The following COL6A3 variants were observed in gnomAD, a reference collection of about 807,000 sequenced individuals.
The protein encoded by COL6A3 is collagen alpha-3(VI) chain.
In COL6A3, 137 loss-of-function variants were observed where a neutral mutation model predicts 274.1. The observed-to-expected ratio is 0.50, with a 90% CI of 0.44 to 0.58. The LOEUF is 0.58. Among genes scored for constraint, COL6A3 ranks in the 20% least tolerant of loss-of-function variants. The pLI, the probability that COL6A3 is intolerant of heterozygous loss-of-function variation, is 0.00. For missense variants in COL6A3, 3,950 were observed against 4,124.9 expected (o/e 0.96, Z 1.16); for synonymous variants, 1,650 against 1,650.6 (o/e 1.00, Z 0.01).
rs2078902143 is a variant in COL6A3, at chr2:237,413,313, CAA to C, written c.-31+638_-31+639del. Among the ~76,000 whole-genome samples, 1 of 152,218 alleles carries C rather than the reference CAA, an allele frequency of 6.6e-6. No homozygotes were observed. Among genetic ancestry groups the C allele is most frequent in the Admixed American group, 6.5e-5 (1 of 15,288 alleles). On this transcript the variant is annotated intron_variant, in intron 1 of 43. Coordinates refer to ENST00000295550, the MANE Select transcript of COL6A3 (RefSeq NM_004369.4). The surrounding 1 kb of genome is among the most constrained non-coding windows in gnomAD (Gnocchi z 4.0). ...AACTCCTTTAAGCAACCCCAAGGGA[CAA>C]AGTCTCCAATAGAGACTTCAGGTTC...
chr2:237,380,204 C>T (rs576882928), intron 5 of COL6A3, among the ~76,000 whole-genome samples: 3 of 152,300 alleles, frequency 2.0e-5, no homozygotes, highest in South Asian at 4.2e-4. Context: ...GTCATGCCTG[C>T]ATCAGGCAAT....
intron 11 of COL6A3, among the ~76,000 whole-genome samples, 169 bp downstream of exon 11, chr2:237,366,518 C>CAATGT (rs2077556459): frequency 6.6e-6 from 1 of 152,000 alleles, no homozygotes; most frequent in East Asian, 1.9e-4. Flanking sequence ...GGAAGAACGC[C>CAATGT]CTAGGTAGTG....
Position 237,344,934 on chromosome 2 carries a change from A to G in COL6A3, c.7174+7T>C, listed in dbSNP as rs2106325330. 2 of 1,614,144 alleles carry G rather than the reference A, an allele frequency of 1.2e-6. No individual in the cohort carries two copies. Among genetic ancestry groups the G allele is most frequent in the Non-Finnish European group, 8.5e-7 (1 of 1,180,044 alleles). ...TCCTTAGGAGAAAGTCACCAAAATC[A>G]ACTTACCGTAACAGCAAGCTAGAAA... is the stretch of plus-strand genomic sequence containing the variant. On this transcript the variant is annotated splice_region_variant and intron_variant, in intron 35 of 43. Transcript: ENST00000295550. This position sits in a 1 kb window ranked among gnomAD's most constrained non-coding sequence, Gnocchi z 4.8.
rs113360085 is a variant in COL6A3, at chr2:237,374,646, G to A, written c.3445C>T (p.Arg1149Trp). The A allele has an allele frequency of 3.5e-4, 572 of 1,614,102 alleles. No homozygotes were observed. The highest frequency in any genetic ancestry group is 4.4e-4 in the Non-Finnish European group (516 of 1,180,008). Reference sequence around the variant, plus strand: ...CTCTTCACGACCACGGAGGGGTTCCGCACATCATCCCCAGACCTGTCGGCC... The same window carrying A: ...CTCTTCACGACCACGGAGGGGTTCCACACATCATCCCCAGACCTGTCGGCC... Reference protein sequence around the residue: ...LTADRSGDDVRNPSVVVKRGG... With the variant: ...LTADRSGDDVWNPSVVVKRGG... The change falls in exon 8 of 44, where the codon CGG becomes TGG. Residue 1149 changes from arginine to tryptophan, a missense_variant. This residue lies in a region of COL6A3 where 1,934 missense variants were observed against 1,984.3 expected (regional missense o/e 0.97). Coordinates refer to ENST00000295550, the MANE Select transcript of COL6A3 (RefSeq NM_004369.4). The surrounding 1 kb of genome is among the most constrained non-coding windows in gnomAD (Gnocchi z 4.8).
chr2:237,362,718 G>C (rs1338606611), intron 14 of COL6A3, among the ~76,000 whole-genome samples: 1 of 152,202 alleles, frequency 6.6e-6, no homozygotes, highest in Non-Finnish European at 1.5e-5. Flanking sequence ...TCCATCCCCA[G>C]TCTAAACCCA....
chr2:237,387,323 T>C (rs1179534655), intron 4 of COL6A3, among the ~76,000 whole-genome samples: 1 of 152,230 alleles, frequency 6.6e-6, no homozygotes, highest in Non-Finnish European at 1.5e-5. Flanking sequence ...AACAGGTTTG[T>C]TGAATTAGCC....
chr2:237,338,958 G>T, intron 39 of COL6A3, 57 bp downstream of exon 39: 1 of 1,365,286 alleles, frequency 7.3e-7, no homozygotes, highest in Non-Finnish European at 1.0e-6. Context: ...GTGGTTGGAG[G>T]ACCTGTGCAT....
rs755188164 is a variant in COL6A3 at position 237,374,656 on chromosome 2, C to A, written c.3435G>T (p.Gly1145=). ...LLIVLTADRS[G]DDVRNPSVVV... Reference sequence around the variant, plus strand: ...CCACGGAGGGGTTCCGCACATCATCCCCAGACCTGTCGGCCGTGAGGACGA... The same window carrying A: ...CCACGGAGGGGTTCCGCACATCATCACCAGACCTGTCGGCCGTGAGGACGA... Residue 1145 remains glycine, a synonymous_variant, in exon 8 of 44, where the codon GGG becomes GGT. Transcript: ENST00000295550. The surrounding 1 kb of genome is among the most constrained non-coding windows in gnomAD (Gnocchi z 4.8). The A allele has an allele frequency of 6.2e-7, 1 of 1,614,104 alleles. No individual in the cohort carries two copies. The highest frequency in any genetic ancestry group is 1.7e-5 in the Admixed American group (1 of 60,030).
rs754121315 is a variant in COL6A3 at position 237,364,314 on chromosome 2, G to C, written c.5917+36C>G. The C allele has an allele frequency of 5.2e-6, 8 of 1,545,650 alleles. No homozygotes were observed. Among genetic ancestry groups the C allele is most frequent in the African/African-American group, 1.4e-5 (1 of 73,572 alleles). ...GAGCAGTACACCCCGCCTCACCAGG[G>C]TTTACTTCTCATATTTAGAAAGCCT... On this transcript the variant is annotated intron_variant, in intron 13 of 43. Coordinates refer to ENST00000295550, the MANE Select transcript of COL6A3 (RefSeq NM_004369.4). This position sits in a 1 kb window ranked among gnomAD's most constrained non-coding sequence, Gnocchi z 4.6.
chr2:237,325,952 G>C, intron 42 of COL6A3: 1 of 455,886 alleles, frequency 2.2e-6, no homozygotes. Context: ...ATCAATGAAA[G>C]GGCTTCATAA....
Position 237,344,859 on chromosome 2 carries a change from G to A in COL6A3, c.7175-16C>T, listed in dbSNP as rs774882173. On this transcript the variant is annotated splice_polypyrimidine_tract_variant and intron_variant, in intron 35 of 43. Transcript: ENST00000295550. This position sits in a 1 kb window ranked among gnomAD's most constrained non-coding sequence, Gnocchi z 4.8. ...TCCAGGGGCCCTGTGGAAAGTAGAGGGTGGAGGGTTAAAGACAAACTGTAC... is the reference window on the plus strand; with the variant it reads ...TCCAGGGGCCCTGTGGAAAGTAGAGAGTGGAGGGTTAAAGACAAACTGTAC... The A allele has an allele frequency of 3.7e-6, 6 of 1,613,624 alleles. No individual in the cohort carries two copies. The South Asian group carries it at 4.4e-5, about 12-fold the overall frequency.
chr2:237,392,259 G>T (rs191518281), intron 3 of COL6A3, among the ~76,000 whole-genome samples: 5 of 152,330 alleles, frequency 3.3e-5, no homozygotes, highest in Admixed American at 2.0e-4. Flanking sequence ...AGTTCTGCCT[G>T]CTCAAGACAG....
At chr2:237,379,275 C>G in intron 5 of COL6A3, 40 bp from the exon 6 acceptor site, 1 of 1,613,716 alleles carries the variant, frequency 6.2e-7, no homozygotes, top group East Asian at 2.2e-5. Context: ...ACATACACAA[C>G]CACGGAGAGT....
At chr2:237,385,630 G>T (rs1007063500) in intron 4 of COL6A3, among the ~76,000 whole-genome samples, 2 of 152,052 alleles carry the variant, frequency 1.3e-5, no homozygotes, top group African/African-American at 2.4e-5. Flanking sequence ...GAAATCTCTG[G>T]GCTTCTATAC....
In COL6A3 at chr2:237,407,003, G is replaced by A. The variant is rs2078737161; in HGVS notation, c.-31+6950C>T. ...GAGCTTACTGCAGCTTCAACTTCCT[G>A]AGATCAAGCAATCCTCCCACCTCAG... is the stretch of plus-strand genomic sequence containing the variant. On this transcript the variant is annotated intron_variant, in intron 1 of 43. Transcript: ENST00000295550. This position sits in a 1 kb window ranked among gnomAD's most constrained non-coding sequence, Gnocchi z 4.3. Among the ~76,000 whole-genome samples, 1 of 143,980 alleles carries A rather than the reference G, an allele frequency of 6.9e-6. No individual in the cohort carries two copies. The highest frequency in any genetic ancestry group is 1.5e-5 in the Non-Finnish European group (1 of 67,264). The allele number at this position is 143,980 out of a possible 152,430, so 94.5% of individuals were successfully genotyped here.
Position 237,372,306 on chromosome 2 carries a change from G to A in COL6A3, c.3711C>T (p.Leu1237=). The A allele has an allele frequency of 6.2e-7, 1 of 1,610,306 alleles. No individual in the cohort carries two copies. Among genetic ancestry groups the A allele is most frequent in the South Asian group, 1.1e-5 (1 of 91,088 alleles). ...GCCCGGCACTTTGGGACCCATCGAT[G>A]AGAAAGACCACGTCCCTCTTGCCAC... The part of the protein sequence containing the change: ...GVGGKRDVVF[L]IDGSQSAGPE... The change falls in exon 9 of 44, where the codon CTC becomes CTT. Residue 1237 remains leucine, a synonymous_variant. Transcript: ENST00000295550.
chr2:237,372,719 G>A (rs2077725455), intron 8 of COL6A3, among the ~76,000 whole-genome samples: 1 of 152,236 alleles, frequency 6.6e-6, no homozygotes, highest in South Asian at 2.1e-4. Context: ...AGGAGCAAGG[G>A]TGAATGACAA....
intron 19 of COL6A3, 52 bp downstream of exon 19, chr2:237,359,154 T>C (rs375214662): frequency 1.6e-5 from 26 of 1,613,806 alleles, no homozygotes; most frequent in Non-Finnish European, 2.0e-5. Context: ...GTTGTTAGTT[T>C]CTGGAATCTT....
At position 237,368,472 on chromosome 2, in the gene COL6A3, A is replaced by G; in HGVS notation, c.4900+91T>C. 1 of 1,473,832 alleles carries G rather than the reference A, an allele frequency of 6.8e-7. No individual in the cohort carries two copies. Among genetic ancestry groups the G allele is most frequent in the South Asian group, 1.3e-5 (1 of 78,458 alleles). 91.3% of individuals were successfully genotyped at this position (1,473,832 alleles called of 1,614,324 possible). On this transcript the variant is annotated intron_variant, in intron 10 of 43. Transcript: ENST00000295550. This position sits in a 1 kb window ranked among gnomAD's most constrained non-coding sequence, Gnocchi z 4.4. ...TCTGAAGAAACAACCCAGAGAGAAG[A>G]AAATTATTAAAAATGACTACTGATT...
Sources: gnomAD v4.1 joint callset for allele counts (sites outside exome capture counted in the v4.1 genomes callset) on GRCh38, gnomAD v4.1.1 for gene constraint, gnomAD v4.1.1 regional missense constraint, Gnocchi (gnomAD v3.1) non-coding constraint, MANE v1.5 for transcripts, NCBI Gene and HGNC (gene_info 2026-07-23, HGNC 2026-07-21) for gene names.